DKK3: variants seen among roughly 807,000 people sequenced by gnomAD.
The protein encoded by DKK3 is dickkopf-related protein 3.
A neutral mutation model predicts 33.2 loss-of-function variants in DKK3; 22 were observed. The ratio of observed to expected loss-of-function variants is 0.66; its 90% CI spans 0.47 to 0.95. DKK3 has a LOEUF of 0.95. DKK3 is among the 40% of genes least tolerant of loss of function. The pLI is 0.00. For synonymous variants in DKK3, 194 were observed against 188.8 expected, an observed-to-expected ratio of 1.03 and a Z score of -0.23; for missense variants, 398 against 458.4, an observed-to-expected ratio of 0.87 and a Z score of 1.20.
chr11:11,984,524 T>A (rs561774641), intron 3 of DKK3, among the ~76,000 whole-genome samples: 1 of 152,138 alleles, frequency 6.6e-6, no homozygotes, highest in African/African-American at 2.4e-5. Flanking sequence ...ACGCATTACT[T>A]TTCCCATGAG....
chr11:12,009,416 G>A, upstream of DKK3: 1 of 928,166 alleles, frequency 1.1e-6, no homozygotes, highest in Non-Finnish European at 1.2e-6. Flanking sequence ...CCGCCCCGCG[G>A]AGGGGCCGCA....
At chr11:11,984,864 T>C (rs943315710) in intron 3 of DKK3, among the ~76,000 whole-genome samples, 31 of 152,190 alleles carry the variant, frequency 2.0e-4, no homozygotes, top group African/African-American at 7.5e-4. Context: ...TGAGGAATTA[T>C]TCTTTCTTTT....
upstream of DKK3, chr11:12,009,081 C>T (rs1333988916): frequency 2.0e-6 from 2 of 985,770 alleles, no homozygotes; most frequent in Admixed American, 6.2e-5. Context: ...CCCTTGGCGT[C>T]GGGTCCTACT....
At chr11:11,992,368 T>C (rs992924530) in intron 3 of DKK3, among the ~76,000 whole-genome samples, 1 of 152,234 alleles carries the variant, frequency 6.6e-6, no homozygotes, top group African/African-American at 2.4e-5. Context: ...TTGAACTGGA[T>C]CTGCCTGTGC....
At position 11,978,363 on chromosome 11, in the gene DKK3, G is replaced by A. The variant is rs372700585; in HGVS notation, c.436-9876C>T. On this transcript the variant is annotated intron_variant, in intron 3 of 6. Coordinates refer to ENST00000683431, the MANE Select transcript of DKK3 (RefSeq NM_001018057.2). ...CCCCAGATTCTGGCCTGTGCTTCAG[G>A]GGCTTTGTGAGCATGTGCAGCTTTT... 1.2e-4 allele frequency among the ~76,000 whole-genome samples: 17 copies of A among 145,604 alleles called. No homozygotes were observed. In the East Asian group the frequency reaches 3.0e-3, roughly 26 times the overall value.
chr11:11,982,366 C>T (rs537920003), intron 3 of DKK3, among the ~76,000 whole-genome samples: 42 of 152,236 alleles, frequency 2.8e-4, no homozygotes, highest in South Asian at 6.2e-4. Context: ...AAACATGTCC[C>T]ACCAGCTTCC....
chr11:12,008,647 C>T (rs979865886), upstream of DKK3: 8 of 1,277,728 alleles, frequency 6.3e-6, no homozygotes, highest in South Asian at 1.9e-4. The surrounding 1 kb of genome is among the most constrained non-coding windows in gnomAD (Gnocchi z 4.6). Flanking sequence ...GCGCGGACCA[C>T]CCCCCTCGCT....
intron 3 of DKK3, among the ~76,000 whole-genome samples, chr11:11,974,203 C>A (rs984402193): frequency 6.6e-6 from 1 of 152,252 alleles, no homozygotes; most frequent in East Asian, 1.9e-4. Flanking sequence ...GTCCTCAGAG[C>A]TCTGCACACT....
Position 11,964,758 on chromosome 11 carries a change from ACT to A in DKK3, c.831-74_831-73del, listed in dbSNP as rs544051087. On this transcript the variant is annotated intron_variant, in intron 6 of 6. Transcript: ENST00000683431. ...CCAGGCCGAAAGCTAAGGCGCCCTG[ACT>A]CTGTGGGGCTCCCAGCCTCACCTTC... 107 of 1,548,158 alleles carry A rather than the reference ACT, an allele frequency of 6.9e-5. No homozygotes were observed. The African/African-American group carries it at 1.4e-3, about 20-fold the overall frequency.
chr11:11,982,984 A>G (rs1847988478), intron 3 of DKK3, among the ~76,000 whole-genome samples: 1 of 152,176 alleles, frequency 6.6e-6, no homozygotes, highest in Non-Finnish European at 1.5e-5. Flanking sequence ...AGGGCTAGGA[A>G]TTGGGCAGGA....
chr11:11,989,634 GAGA>G (rs1269419993), intron 3 of DKK3, among the ~76,000 whole-genome samples: 1 of 152,198 alleles, frequency 6.6e-6, no homozygotes, highest in Non-Finnish European at 1.5e-5. Flanking sequence ...TTTGCAAGAT[GAGA>G]AGAATTCTGG....
intron 3 of DKK3, among the ~76,000 whole-genome samples, chr11:11,974,462 G>A (rs1229390625): frequency 2.6e-5 from 4 of 152,176 alleles, no homozygotes; most frequent in African/African-American, 9.7e-5. Flanking sequence ...CATCTGGTGA[G>A]GGCCTTCTTG....
rs569465853 is a variant in DKK3, at chr11:11,963,183, C to T, written c.*1281G>A. The T allele has an allele frequency of 2.0e-5, 3 of 152,626 alleles. No individual in the cohort carries two copies. The highest frequency in any genetic ancestry group is 2.0e-4 in the Admixed American group (3 of 15,286). The allele number at this position is 152,626 out of a possible 1,614,324, so 9.5% of individuals were successfully genotyped here. ...TAATTTAAAACTCAAAGAAAGCATG[C>T]TTATACAATCATGTGCAACTTTAAA... is the stretch of plus-strand genomic sequence containing the variant. On this transcript the variant is annotated 3_prime_UTR_variant, in exon 7 of 7. Transcript: ENST00000683431.
chr11:12,007,948 C>G (rs1044345894), intron 1 of DKK3, among the ~76,000 whole-genome samples: 4 of 152,374 alleles, frequency 2.6e-5, no homozygotes, highest in Non-Finnish European at 5.9e-5. Flanking sequence ...GGCATCCTAA[C>G]AAGCTCAAAG....
At chr11:11,975,495 C>A (rs2135018513) in intron 3 of DKK3, among the ~76,000 whole-genome samples, 1 of 152,302 alleles carries the variant, frequency 6.6e-6, no homozygotes, top group Non-Finnish European at 1.5e-5. Context: ...CCTGAGTGCT[C>A]CCAGGATGAA....
chr11:11,982,410 AC>A (rs1438981696), intron 3 of DKK3, among the ~76,000 whole-genome samples: 1 of 151,944 alleles, frequency 6.6e-6, no homozygotes, highest in Non-Finnish European at 1.5e-5. Flanking sequence ...TACCTGCTCT[AC>A]CCCAGCCTCT....
At chr11:11,964,781 C>T in intron 6 of DKK3, 95 bp from the exon 7 acceptor site, 1 of 1,530,994 alleles carries the variant, frequency 6.5e-7, no homozygotes, top group Non-Finnish European at 8.8e-7. Flanking sequence ...CCCAGCCTCA[C>T]CTTCATGCCC....
At chr11:12,007,954 C>G (rs1240871202) in intron 1 of DKK3, among the ~76,000 whole-genome samples, 1 of 152,240 alleles carries the variant, frequency 6.6e-6, no homozygotes, top group African/African-American at 2.4e-5. Flanking sequence ...CTAACAAGCT[C>G]AAAGCATAAC....
chr11:11,964,537 C>A lies in DKK3; in HGVS notation c.980G>T (p.Ser327Ile). The change falls in exon 7 of 7, where the codon AGC becomes ATC. Residue 327 changes from serine to isoleucine, a missense_variant. Transcript: ENST00000683431. ...CCTCAGCGCCATCTCTTCAGTCAGG[C>A]TCCTCTCCAGGTCCTCCAGCTCCTG... ...VRQELEDLER[S>I]LTEEMALREP... 1 of 1,614,122 alleles carries A rather than the reference C, an allele frequency of 6.2e-7. No homozygotes were observed. The highest frequency in any genetic ancestry group is 8.5e-7 in the Non-Finnish European group (1 of 1,180,016).
Sources: allele counts gnomAD v4.1 joint callset (sites outside exome capture counted in the v4.1 genomes callset), GRCh38; gene constraint gnomAD v4.1.1; non-coding constraint Gnocchi (gnomAD v3.1); transcripts MANE v1.5; gene names NCBI Gene and HGNC (gene_info 2026-07-23, HGNC 2026-07-21).